Variants in ADCY8 observed in about 807,000 individuals in gnomAD.
The protein encoded by ADCY8 is adenylate cyclase type 8.
In ADCY8, 51 loss-of-function variants were observed where a neutral mutation model predicts 119.7. The ratio of observed to expected loss-of-function variants is 0.43; its 90% CI spans 0.34 to 0.54. ADCY8 has a LOEUF of 0.54. Ranked by LOEUF, ADCY8 falls within the 20% of genes least tolerant of loss-of-function variation. The pLI, the probability that ADCY8 is intolerant of heterozygous loss-of-function variation, is 0.03. For synonymous variants in ADCY8, 665 were observed against 651.0 expected, an observed-to-expected ratio of 1.02 and a Z score of -0.33; for missense variants, 1,383 against 1,598.8, an observed-to-expected ratio of 0.87 and a Z score of 2.30.
Position 130,844,669 on chromosome 8 carries a change from C to T in ADCY8, c.2502+2755G>A, listed in dbSNP as rs556231025. Among the ~76,000 whole-genome samples, 71 of 152,282 alleles carry T rather than the reference C, an allele frequency of 4.7e-4. 1 individual carries two copies. Among genetic ancestry groups the T allele is most frequent in the Non-Finnish European group, 1.5e-4 (10 of 68,022 alleles). ...CTAGTCAGTGAAGCATGTGTGCGCA[C>T]ATACACATGCACACGTATATGCACA... On this transcript the variant is annotated intron_variant, in intron 11 of 17. Coordinates refer to ENST00000286355, the MANE Select transcript of ADCY8 (RefSeq NM_001115.3).
chr8:130,795,299 G>A (rs1383144071), intron 15 of ADCY8, among the ~76,000 whole-genome samples: 2 of 152,184 alleles, frequency 1.3e-5, no homozygotes, highest in Non-Finnish European at 1.5e-5. Flanking sequence ...TGAGAAAGGG[G>A]AGACAGGACC....
chr8:130,885,706 C>A (rs1818957667), intron 7 of ADCY8, among the ~76,000 whole-genome samples: 1 of 151,760 alleles, frequency 6.6e-6, no homozygotes, highest in Non-Finnish European at 1.5e-5. Flanking sequence ...TATATAGGGA[C>A]AAGGAAGCCC....
chr8:130,808,977 C>CT (rs5895058), intron 14 of ADCY8, among the ~76,000 whole-genome samples: 146,463 of 152,248 alleles, frequency 0.96, 70,493 homozygotes, highest in African/African-American at 0.99. Context: ...ATACTCAGGC[C>CT]GGACCTCCAG....
intron 15 of ADCY8, among the ~76,000 whole-genome samples, chr8:130,794,097 C>T (rs940033520): frequency 2.4e-4 from 37 of 152,114 alleles, no homozygotes; most frequent in African/African-American, 8.7e-4. Context: ...CATGCTGCCA[C>T]GGTCAGCCAG....
intron 12 of ADCY8, among the ~76,000 whole-genome samples, chr8:130,827,893 G>A (rs146980509): frequency 6.6e-6 from 1 of 152,288 alleles, no homozygotes; most frequent in African/African-American, 2.4e-5. Context: ...TAAAAATATG[G>A]TTAGTGTTGC....
intron 3 of ADCY8, among the ~76,000 whole-genome samples, chr8:130,947,321 C>T (rs1487876911): frequency 6.6e-6 from 1 of 152,168 alleles, no homozygotes; most frequent in Non-Finnish European, 1.5e-5. Context: ...GGGAAAGTTA[C>T]TTAACCTCTC....
At chr8:131,031,502 T>C (rs1442624630) in intron 1 of ADCY8, among the ~76,000 whole-genome samples, 1 of 152,236 alleles carries the variant, frequency 6.6e-6, no homozygotes, top group Non-Finnish European at 1.5e-5. Context: ...GTCCTTGTTA[T>C]GGCTTGAATA....
At chr8:130,996,103 C>T (rs114989256) in intron 1 of ADCY8, among the ~76,000 whole-genome samples, 1 of 151,680 alleles carries the variant, frequency 6.6e-6, no homozygotes, top group Non-Finnish European at 1.5e-5. Flanking sequence ...AGATAAAACA[C>T]CAAAACTATT....
At chr8:130,841,682 G>A (rs1250060252) in intron 11 of ADCY8, among the ~76,000 whole-genome samples, 1 of 152,112 alleles carries the variant, frequency 6.6e-6, no homozygotes, top group Non-Finnish European at 1.5e-5. Context: ...ACCCACATAA[G>A]TCAGACAAAC....
intron 1 of ADCY8, among the ~76,000 whole-genome samples, chr8:130,995,153 G>A (rs1822734033): frequency 6.6e-6 from 1 of 152,086 alleles, no homozygotes; most frequent in South Asian, 2.1e-4. Context: ...TAATTCTGTA[G>A]ACTTATTTCA....
chr8:130,883,539 T>A (rs532298487), intron 8 of ADCY8, among the ~76,000 whole-genome samples: 62 of 152,298 alleles, frequency 4.1e-4, no homozygotes, highest in African/African-American at 1.5e-3. Context: ...GTGCACAGAA[T>A]TGTGAATTCT....
chr8:130,915,003 G>A (rs531252920), intron 5 of ADCY8, among the ~76,000 whole-genome samples: 10 of 152,300 alleles, frequency 6.6e-5, no homozygotes, highest in African/African-American at 2.2e-4. Context: ...AAACCACTGA[G>A]TTGCCTTAGG....
intron 2 of ADCY8, among the ~76,000 whole-genome samples, chr8:130,955,851 T>A (rs1414766837): frequency 6.6e-6 from 1 of 152,156 alleles, no homozygotes; most frequent in Non-Finnish European, 1.5e-5. Context: ...TGAAGTTAAA[T>A]GTGTAGAGCC....
Position 130,951,970 on chromosome 8 carries a change from C to A in ADCY8, c.1139G>T (p.Arg380Leu), listed in dbSNP as rs373225005. The A allele has an allele frequency of 6.2e-7, 1 of 1,613,390 alleles. No homozygotes were observed. The highest frequency in any genetic ancestry group is 8.5e-7 in the Non-Finnish European group (1 of 1,179,946). Residue 380 changes from arginine to leucine, a missense_variant, in exon 3 of 18, where the codon CGG becomes CTG. This residue lies in a region of ADCY8 where 928 missense variants were observed against 1,163.5 expected (regional missense o/e 0.80). Coordinates refer to ENST00000286355, the MANE Select transcript of ADCY8 (RefSeq NM_001115.3). ...QERLVLSVLP[R>L]FVVLEMINDM... ...GTTGATCATTTCCAGGACAACAAAC[C>A]GGGGGAGCACAGAAAGCACGAGCCG...
At chr8:130,999,112 G>A (rs1163541937) in intron 1 of ADCY8, among the ~76,000 whole-genome samples, 1 of 152,096 alleles carries the variant, frequency 6.6e-6, no homozygotes, top group Non-Finnish European at 1.5e-5. Context: ...CAGAGCTTGT[G>A]TCCACCGTCT....
At chr8:131,008,512 C>T (rs537683409) in intron 1 of ADCY8, among the ~76,000 whole-genome samples, 37 of 152,202 alleles carry the variant, frequency 2.4e-4, no homozygotes, top group Non-Finnish European at 4.4e-4. Context: ...TTTCCTGAGG[C>T]CTCTCCAGCC....
chr8:130,842,976 C>T (rs2130286158), intron 11 of ADCY8, among the ~76,000 whole-genome samples: 1 of 151,772 alleles, frequency 6.6e-6, no homozygotes, highest in South Asian at 2.1e-4. Flanking sequence ...TTTCCTCCTC[C>T]TTTTGATGCC....
chr8:130,901,019 A>G (rs1320510292), intron 7 of ADCY8, among the ~76,000 whole-genome samples: 1 of 152,174 alleles, frequency 6.6e-6, no homozygotes, highest in Non-Finnish European at 1.5e-5. Context: ...CAAGCAAAAA[A>G]TCTAGAATTC....
chr8:130,793,274 G>A lies in ADCY8; in HGVS notation c.3060+7152C>T, dbSNP rs1268983552. On this transcript the variant is annotated intron_variant, in intron 15 of 17. Coordinates refer to ENST00000286355, the MANE Select transcript of ADCY8 (RefSeq NM_001115.3). ...CTTTCTCAGAACCCTCTCTGAAATTGCACTATGGGTGTCCAACCATCTCGG... is the reference window on the plus strand; with the variant it reads ...CTTTCTCAGAACCCTCTCTGAAATTACACTATGGGTGTCCAACCATCTCGG... 9.2e-5 allele frequency among the ~76,000 whole-genome samples: 14 copies of A among 152,158 alleles called. No homozygotes were observed. In the South Asian group the frequency reaches 2.5e-3, roughly 27 times the overall value.
Sources: gnomAD v4.1 joint callset for allele counts (sites outside exome capture counted in the v4.1 genomes callset) on GRCh38, gnomAD v4.1.1 for gene constraint, gnomAD v4.1.1 regional missense constraint, MANE v1.5 for transcripts, NCBI Gene and HGNC (gene_info 2026-07-23, HGNC 2026-07-21) for gene names.